MCTP1: variants seen among roughly 807,000 people sequenced by gnomAD.
The protein encoded by MCTP1 is multiple C2 and transmembrane domain containing 1, also known as multiple C2 and transmembrane domain-containing protein 1.
In MCTP1, 69 loss-of-function variants were observed where a neutral mutation model predicts 120.6. The ratio of observed to expected loss-of-function variants is 0.57; its 90% CI spans 0.47 to 0.70. MCTP1 has a LOEUF of 0.70. MCTP1 is among the 30% of genes least tolerant of loss of function. The probability of loss-of-function intolerance (pLI) is 0.00; values close to 1 mark genes in which losing one functional copy is unlikely to be tolerated. For missense variants in MCTP1, 1,203 were observed against 1,248.8 expected (o/e 0.96, Z 0.55); for synonymous variants, 529 against 493.1 (o/e 1.07, Z -0.96).
chr5:94,975,874 T>A (rs1444525097), intron 2 of MCTP1, among the ~76,000 whole-genome samples: 1 of 152,118 alleles, frequency 6.6e-6, no homozygotes, highest in Non-Finnish European at 1.5e-5. Context: ...CCAAACATTC[T>A]TTGCCATAGC....
chr5:95,106,946 T>G (rs1025199436), intron 1 of MCTP1, among the ~76,000 whole-genome samples: 1 of 152,128 alleles, frequency 6.6e-6, no homozygotes, highest in African/African-American at 2.4e-5. Flanking sequence ...AAATTATCTT[T>G]GAGAAGCTAT....
At position 94,899,768 on chromosome 5, in the gene MCTP1, C is replaced by A. The variant is rs189502515; in HGVS notation, c.1653-4933G>T. The stretch of plus-strand genomic sequence containing the variant: ...ATGGATGCACCTGCTAAGCAACCAG[C>A]TATATCTCTGAAATACCAGAAACAG... On this transcript the variant is annotated intron_variant, in intron 10 of 22. Transcript: ENST00000515393. 1.2e-4 allele frequency among the ~76,000 whole-genome samples: 18 copies of A among 152,314 alleles called. No homozygotes were observed. In the East Asian group the frequency reaches 1.9e-3, roughly 16 times the overall value.
chr5:95,064,366 T>A (rs1313607111), intron 1 of MCTP1, among the ~76,000 whole-genome samples: 1 of 152,234 alleles, frequency 6.6e-6, no homozygotes, highest in Non-Finnish European at 1.5e-5. Flanking sequence ...TATGCAGTGC[T>A]GCCAGTTGTG....
intron 1 of MCTP1, among the ~76,000 whole-genome samples, chr5:95,035,727 A>AT (rs1036365200): frequency 8.5e-5 from 13 of 152,068 alleles, no homozygotes; most frequent in Non-Finnish European, 1.5e-4. Context: ...GTAATTAAAA[A>AT]ATATATATAT....
chr5:95,080,409 T>C lies in MCTP1; in HGVS notation c.721-62925A>G, dbSNP rs191493081. 1.2e-3 allele frequency among the ~76,000 whole-genome samples: 188 copies of C among 152,266 alleles called. 1 individual carries two copies. Among genetic ancestry groups the C allele is most frequent in the African/African-American group, 4.3e-3 (178 of 41,560 alleles). On this transcript the variant is annotated intron_variant, in intron 1 of 22. Transcript: ENST00000515393. Reference sequence around the variant, plus strand: ...TACTGCCTTCAAATATGTTTGGAAGTTGAAATAATGAAACAATCTCCAAGC... The same window carrying C: ...TACTGCCTTCAAATATGTTTGGAAGCTGAAATAATGAAACAATCTCCAAGC...
At chr5:94,905,835 A>G (rs1160480469) in intron 10 of MCTP1, among the ~76,000 whole-genome samples, 1 of 152,182 alleles carries the variant, frequency 6.6e-6, no homozygotes, top group Admixed American at 6.5e-5. Flanking sequence ...CTTGTGAATC[A>G]ATGAAGTCAC....
chr5:94,971,202 G>A (rs1826777768), intron 2 of MCTP1, among the ~76,000 whole-genome samples: 1 of 151,976 alleles, frequency 6.6e-6, no homozygotes, highest in Non-Finnish European at 1.5e-5. Context: ...GACCTCTCTT[G>A]CATGTCTTTG....
chr5:94,779,228 G>T, intron 18 of MCTP1, 65 bp from the exon 19 acceptor site: 1 of 1,338,588 alleles, frequency 7.5e-7, no homozygotes, highest in South Asian at 1.2e-5. Flanking sequence ...CTGTCATTTT[G>T]AACCTTTTGG....
intron 2 of MCTP1, among the ~76,000 whole-genome samples, chr5:94,969,286 C>T (rs1431578150): frequency 6.6e-6 from 1 of 152,090 alleles, no homozygotes; most frequent in Non-Finnish European, 1.5e-5. Flanking sequence ...CACAACTAAA[C>T]GTGGTCTGAA....
intron 17 of MCTP1, among the ~76,000 whole-genome samples, chr5:94,836,847 G>T (rs146011300): frequency 6.6e-6 from 1 of 152,280 alleles, no homozygotes; most frequent in East Asian, 1.9e-4. Context: ...AAATTATGGG[G>T]CCATATGTGT....
At chr5:94,906,007 G>A (rs985480847) in intron 10 of MCTP1, among the ~76,000 whole-genome samples, 1 of 148,632 alleles carries the variant, frequency 6.7e-6, no homozygotes, top group Admixed American at 6.7e-5. Context: ...TGGAAGGCAA[G>A]CGAAAAATGT....
rs35327131 is a variant in MCTP1, at chr5:95,018,503, A to ATT, written c.721-1021_721-1020dup. 7.9e-3 allele frequency among the ~76,000 whole-genome samples: 1,179 copies of ATT among 148,356 alleles called. 6 individuals are homozygous for ATT. Among genetic ancestry groups the ATT allele is most frequent in the Non-Finnish European group, 0.011 (760 of 67,014 alleles). On this transcript the variant is annotated intron_variant, in intron 1 of 22. Coordinates refer to ENST00000515393, the MANE Select transcript of MCTP1 (RefSeq NM_024717.7). The stretch of plus-strand genomic sequence containing the variant: ...CCCTACATTTGTTCGTTAAAGCAGC[A>ATT]TTTTTTTTTTTTGAGGTTTTAAGAC...
At chr5:94,912,629 C>T (rs1219837534) in intron 9 of MCTP1, among the ~76,000 whole-genome samples, 177 bp downstream of exon 9, 1 of 151,738 alleles carries the variant, frequency 6.6e-6, no homozygotes, top group East Asian at 1.9e-4. Flanking sequence ...TGGGAGGTCA[C>T]CTAGTACATA....
chr5:94,954,452 T>C (rs1205824958), intron 2 of MCTP1, among the ~76,000 whole-genome samples: 1 of 151,962 alleles, frequency 6.6e-6, no homozygotes, highest in Non-Finnish European at 1.5e-5. Context: ...ATCTATTTGG[T>C]ACAATGTATA....
At chr5:95,183,158 A>G (rs1327920373) in intron 1 of MCTP1, among the ~76,000 whole-genome samples, 1 of 152,174 alleles carries the variant, frequency 6.6e-6, no homozygotes, top group Non-Finnish European at 1.5e-5. Context: ...TGGTTAATTG[A>G]TATTTGTCAA....
intron 3 of MCTP1, among the ~76,000 whole-genome samples, chr5:94,951,764 GAAAA>G (rs755546312): frequency 2.0e-5 from 3 of 152,166 alleles, no homozygotes; most frequent in Admixed American, 6.5e-5. Context: ...GAGCAGGGCA[GAAAA>G]ATCTCTGACC....
At chr5:94,755,759 G>A (rs1218865272) in intron 19 of MCTP1, among the ~76,000 whole-genome samples, 3 of 151,922 alleles carry the variant, frequency 2.0e-5, no homozygotes, top group Admixed American at 2.0e-4. Flanking sequence ...AACTGTCCTC[G>A]GCCCTCTTCC....
At chr5:94,717,019 G>A (rs1759639326) in intron 19 of MCTP1, among the ~76,000 whole-genome samples, 1 of 152,068 alleles carries the variant, frequency 6.6e-6, no homozygotes, top group Non-Finnish European at 1.5e-5. Flanking sequence ...TGTTGTTATT[G>A]GGTAGTTGCG....
At chr5:95,159,000 T>C (rs1015940059) in intron 1 of MCTP1, among the ~76,000 whole-genome samples, 5 of 152,214 alleles carry the variant, frequency 3.3e-5, no homozygotes, top group African/African-American at 1.2e-4. Context: ...CTGTTGAGTA[T>C]GTATCCATAA....
Sources: allele counts gnomAD v4.1 joint callset (sites outside exome capture counted in the v4.1 genomes callset), GRCh38; gene constraint gnomAD v4.1.1; transcripts MANE v1.5; gene names NCBI Gene and HGNC (gene_info 2026-07-23, HGNC 2026-07-21).